NRK: variants seen among roughly 807,000 people sequenced by gnomAD.
NRK encodes the protein nik-related protein kinase.
NRK carries 67 observed loss-of-function variants against 125.2 expected under a neutral mutation model. The ratio of observed to expected loss-of-function variants is 0.54; its 90% confidence interval spans 0.44 to 0.66. The LOEUF is 0.66. Ranked by LOEUF, NRK falls within the 30% of genes least tolerant of loss-of-function variation. The pLI is 0.00. For missense variants in NRK, 1,224 were observed against 1,192.9 expected, an observed-to-expected ratio of 1.03 and a Z score of -0.38; for synonymous variants, 458 against 429.0, an observed-to-expected ratio of 1.07 and a Z score of -0.84.
intron 2 of NRK, among the ~76,000 whole-genome samples, chrX:105,860,008 T>C (rs886291706): frequency 4.5e-5 from 5 of 112,172 alleles, no homozygotes; most frequent in African/African-American, 1.6e-4. Flanking sequence ...TTGCCTTAAA[T>C]GAAGTATCTC....
At chrX:105,823,017 C>A in intron 1 of NRK, 115 bp downstream of exon 1, 1 of 706,617 alleles carries the variant, frequency 1.4e-6, no homozygotes, top group Non-Finnish European at 2.0e-6. Flanking sequence ...CGACGGGTCC[C>A]CCGGGCGCGG....
intron 5 of NRK, among the ~76,000 whole-genome samples, chrX:105,892,075 CTATT>C (rs1437299205): frequency 2.7e-5 from 3 of 111,703 alleles, no homozygotes; most frequent in Non-Finnish European, 5.6e-5. Context: ...TGAAAACTAT[CTATT>C]TGTCAGGTGT....
Position 105,895,577 on chromosome X carries a change from C to T in NRK, c.580+54C>T, listed in dbSNP as rs1019147197. Reference sequence around the variant, plus strand: ...CCAAAACATCTTAATGGAGAAAGCTCCTTTAAGATAACTATGCTTTCTATC... The same window carrying T: ...CCAAAACATCTTAATGGAGAAAGCTTCTTTAAGATAACTATGCTTTCTATC... On this transcript the variant is annotated intron_variant, in intron 7 of 28. Coordinates refer to ENST00000243300, the MANE Select transcript of NRK (RefSeq NM_198465.4). 2.3e-5 allele frequency: 18 copies of T among 780,799 alleles called. No homozygotes were observed. The Middle Eastern group carries it at 1.7e-3, about 75-fold the overall frequency. 64.3% of individuals were successfully genotyped at this position (780,799 alleles called of 1,213,427 possible). A position where few individuals can be genotyped will look rare whatever the true frequency, so the allele number is the denominator to read the frequency against.
Position 105,900,648 on chromosome X carries a change from A to G in NRK, c.742A>G (p.Ile248Val). The G allele has an allele frequency of 8.5e-7, 1 of 1,180,056 alleles. No homozygotes were observed. The highest frequency in any genetic ancestry group is 1.2e-6 in the Non-Finnish European group (1 of 868,376). ...SDVWSVGITA[I>V]EMAEGAPPLC... is the part of the protein sequence containing the mutation. Reference sequence around the variant, plus strand: ...TGTGTGGTCTGTGGGAATTACTGCCATTGAAATGGCTGAAGGAGCCCCTCG... The same window carrying G: ...TGTGTGGTCTGTGGGAATTACTGCCGTTGAAATGGCTGAAGGAGCCCCTCG... The change falls in exon 9 of 29, where the codon ATT becomes GTT. Residue 248 changes from isoleucine (I) to valine (V), a missense_variant. By Grantham distance (29) the Ile-to-Val change is conservative. Coordinates refer to ENST00000243300, the MANE Select transcript of NRK (RefSeq NM_198465.4).
At chrX:105,834,644 T>C (rs1465588031) in intron 2 of NRK, among the ~76,000 whole-genome samples, 1 of 111,219 alleles carries the variant, frequency 9.0e-6, no homozygotes, top group Non-Finnish European at 1.9e-5. Flanking sequence ...CAATTTCATA[T>C]GTGTTAGGCC....
In NRK at chrX:105,958,148, T is replaced by C. The variant is rs989915558; in HGVS notation, c.*2548T>C. 4 of 112,125 alleles carry C rather than the reference T, an allele frequency of 3.6e-5. No individual in the cohort carries two copies. Among genetic ancestry groups the C allele is most frequent in the African/African-American group, 1.3e-4 (4 of 30,810 alleles). 9.2% of individuals were successfully genotyped at this position (112,125 alleles called of 1,213,427 possible). A position where few individuals can be genotyped will look rare whatever the true frequency, so the allele number is the denominator to read the frequency against. On this transcript the variant is annotated 3_prime_UTR_variant, in exon 29 of 29. Coordinates refer to ENST00000243300, the MANE Select transcript of NRK (RefSeq NM_198465.4). ...CCCTTGTCTAAAATAAAAGGCATTA[T>C]TGGAAATATTTGAAAACTAGAAAAT... is the stretch of plus-strand genomic sequence containing the variant.
At chrX:105,918,052 T>A (rs2040388997) in intron 16 of NRK, among the ~76,000 whole-genome samples, 1 of 110,587 alleles carries the variant, frequency 9.0e-6, no homozygotes. Context: ...GGAGGAGTTG[T>A]GAGTGTGTGT....
intron 16 of NRK, among the ~76,000 whole-genome samples, chrX:105,918,398 A>C (rs946280406): frequency 2.7e-5 from 3 of 111,255 alleles, no homozygotes; most frequent in African/African-American, 9.8e-5. Flanking sequence ...GATATGTAAA[A>C]ATATAGTATA....
Position 105,953,041 on chromosome X carries a change from A to G in NRK, c.4521A>G (p.Glu1507=), listed in dbSNP as rs753448940. The G allele has an allele frequency of 8.6e-7, 1 of 1,165,634 alleles. No homozygotes were observed. Among genetic ancestry groups the G allele is most frequent in the Non-Finnish European group, 1.2e-6 (1 of 867,598 alleles). Residue 1507 remains glutamate, a synonymous_variant, in exon 28 of 29, where the codon GAA becomes GAG. Transcript: ENST00000243300. ...WKDIPSSIAF[E]CTQRTTGWGQ... is the part of the protein sequence containing the mutation. Reference sequence around the variant, plus strand: ...TTTTCATTTGTATTGTAGCTTTTGAATGTACACAGCGAACCACAGGATGGG... The same window carrying G: ...TTTTCATTTGTATTGTAGCTTTTGAGTGTACACAGCGAACCACAGGATGGG...
intron 2 of NRK, among the ~76,000 whole-genome samples, chrX:105,866,184 C>A (rs905702579): frequency 7.2e-5 from 8 of 110,967 alleles, no homozygotes; most frequent in African/African-American, 1.6e-4. Context: ...ATCAGAACTT[C>A]TGTGCATATA....
At chrX:105,853,324 A>G (rs2039495530) in intron 2 of NRK, among the ~76,000 whole-genome samples, 1 of 112,010 alleles carries the variant, frequency 8.9e-6, no homozygotes, top group Non-Finnish European at 1.9e-5. Flanking sequence ...TTTCCGATGC[A>G]TGCACCAGAT....
intron 2 of NRK, among the ~76,000 whole-genome samples, chrX:105,845,552 A>G: frequency 8.9e-6 from 1 of 112,498 alleles, no homozygotes; most frequent in Non-Finnish European, 1.9e-5. Context: ...GTTATACTAA[A>G]AAAAGTTTAC....
At chrX:105,862,648 T>C (rs755980625) in intron 2 of NRK, among the ~76,000 whole-genome samples, 5 of 112,321 alleles carry the variant, frequency 4.5e-5, no homozygotes, top group Non-Finnish European at 9.4e-5. Context: ...TACTATGATA[T>C]GGACCATTTG....
chrX:105,859,469 C>G (rs1258234005), intron 2 of NRK, among the ~76,000 whole-genome samples: 1 of 111,869 alleles, frequency 8.9e-6, no homozygotes, highest in Non-Finnish European at 1.9e-5. Flanking sequence ...CTAGACTACT[C>G]TTATGCCAAT....
chrX:105,939,005 TGAAAG>T (rs1463624851), intron 22 of NRK, among the ~76,000 whole-genome samples: 1,131 of 111,302 alleles, frequency 0.01, 20 homozygotes, highest in African/African-American at 0.035. Context: ...GAGAAAAGCA[TGAAAG>T]TAACTGCCCC....
chrX:105,841,198 T>G (rs1039835126), intron 2 of NRK, among the ~76,000 whole-genome samples: 5 of 111,199 alleles, frequency 4.5e-5, no homozygotes, highest in Non-Finnish European at 9.4e-5. Context: ...TCTGAGGGTG[T>G]CAAAAGAAAA....
chrX:105,915,780 T>C lies in NRK; in HGVS notation c.2400T>C (p.His800=). The change falls in exon 15 of 29, where the codon CAT becomes CAC. Residue 800 remains histidine, a synonymous_variant. Coordinates refer to ENST00000243300, the MANE Select transcript of NRK (RefSeq NM_198465.4). The stretch of plus-strand genomic sequence containing the variant: ...CTAACAACCAGGATCATGCACATCA[T>C]GTCAAGTTCTCTTCAAGGTATGTGT... The part of the protein sequence containing the change: ...SVPNNQDHAH[H]VKFSSSVPQR... 2 of 1,123,383 alleles carry C rather than the reference T, an allele frequency of 1.8e-6. No individual in the cohort carries two copies. Among genetic ancestry groups the C allele is most frequent in the Non-Finnish European group, 2.4e-6 (2 of 818,182 alleles). 92.6% of individuals were successfully genotyped at this position (1,123,383 alleles called of 1,213,427 possible). A position where few individuals can be genotyped will look rare whatever the true frequency, so the allele number is the denominator to read the frequency against.
In NRK at chrX:105,908,889, C is replaced by T. The variant is rs1569308184; in HGVS notation, c.1248C>T (p.Phe416=). 5 of 1,210,703 alleles carry T rather than the reference C, an allele frequency of 4.1e-6. No homozygotes were observed. Among genetic ancestry groups the T allele is most frequent in the Non-Finnish European group, 5.6e-6 (5 of 894,803 alleles). The change falls in exon 13 of 29, where the codon TTC becomes TTT. Residue 416 remains phenylalanine, a synonymous_variant. Coordinates refer to ENST00000243300, the MANE Select transcript of NRK (RefSeq NM_198465.4). ...LQQLQGAARV[F]MPLQALDSAP... ...AGCTACAGGGAGCAGCCAGGGTATTCATGCCACTGCAGGCTCTGGACAGTG... is the reference window on the plus strand; with the variant it reads ...AGCTACAGGGAGCAGCCAGGGTATTTATGCCACTGCAGGCTCTGGACAGTG...
intron 2 of NRK, among the ~76,000 whole-genome samples, chrX:105,843,977 CTGTGTGTGTGTGTG>C (rs751188822): frequency 2.0e-3 from 174 of 87,381 alleles, no homozygotes; most frequent in Non-Finnish European, 3.5e-3. Context: ...GTCCTGCACT[CTGTGTGTGTGTGTG>C]TGTGTGTGTG....
Sources: allele counts gnomAD v4.1 joint callset (sites outside exome capture counted in the v4.1 genomes callset), GRCh38; gene constraint gnomAD v4.1.1; transcripts MANE v1.5; gene names NCBI Gene and HGNC (gene_info 2026-07-23, HGNC 2026-07-21).